The following DROSHA variants were observed in gnomAD, a reference collection of about 807,000 sequenced individuals.
DROSHA encodes ribonuclease 3.
Under a neutral mutation model 181.9 loss-of-function variants are expected in DROSHA, and 56 were observed. The observed-to-expected ratio is 0.31, with a 90% confidence interval of 0.25 to 0.38. The LOEUF (loss-of-function observed/expected upper bound fraction) is 0.38, where lower values mean the gene tolerates loss of function less well. Ranked by LOEUF, DROSHA falls within the 10% of genes least tolerant of loss-of-function variation. DROSHA has a pLI of 1.00. For synonymous variants in DROSHA, 524 were observed against 591.2 expected (o/e 0.89, Z 1.65); for missense variants, 1,218 against 1,743.5 (o/e 0.70, Z 5.37).
At chr5:31,501,044 A>T (rs1277048796) in intron 11 of DROSHA, among the ~76,000 whole-genome samples, 3 of 152,230 alleles carry the variant, frequency 2.0e-5, no homozygotes, top group African/African-American at 7.2e-5. Context: ...CCGACTGAAG[A>T]GGTGGCCAGA....
intron 27 of DROSHA, among the ~76,000 whole-genome samples, chr5:31,425,215 T>C (rs1268771061): frequency 6.6e-6 from 1 of 152,210 alleles, no homozygotes; most frequent in East Asian, 1.9e-4. Flanking sequence ...ATTTAAGTTT[T>C]TTTTTAGAGG....
intron 17 of DROSHA, among the ~76,000 whole-genome samples, chr5:31,469,833 T>G (rs1174794023): frequency 6.6e-6 from 1 of 152,232 alleles, no homozygotes; most frequent in Non-Finnish European, 1.5e-5. Context: ...AAGTCACTAA[T>G]GACAAAAGTA....
intron 16 of DROSHA, among the ~76,000 whole-genome samples, chr5:31,482,074 G>C (rs999318587): frequency 1.3e-5 from 2 of 152,162 alleles, no homozygotes; most frequent in East Asian, 1.9e-4. Context: ...AGGGAGACAG[G>C]GGCTTCTGCC....
At chr5:31,504,219 C>T (rs945192726) in intron 11 of DROSHA, among the ~76,000 whole-genome samples, 14 of 152,152 alleles carry the variant, frequency 9.2e-5, no homozygotes, top group Non-Finnish European at 2.1e-4. Flanking sequence ...TTACTAAGAG[C>T]GTCGCTCCAG....
At chr5:31,472,387 A>C (rs1303336626) in intron 16 of DROSHA, among the ~76,000 whole-genome samples, 155 bp from the exon 17 acceptor site, 1 of 152,244 alleles carries the variant, frequency 6.6e-6, no homozygotes, top group Non-Finnish European at 1.5e-5. Flanking sequence ...CCAGGTGCCA[A>C]ATAATATGAA....
chr5:31,530,630 C>CAAA lies in DROSHA; in HGVS notation c.-47+165_-47+167dup, dbSNP rs34124311. ...GGGCAACAAGAGCGAAACTCTAGCT[C>CAAA]AAAAAAAAAAAAAAAAAAAAATCTC... On this transcript the variant is annotated intron_variant, in intron 3 of 35. Transcript: ENST00000344624. Among the ~76,000 whole-genome samples, 63 of 112,590 alleles carry CAAA rather than the reference C, an allele frequency of 5.6e-4. 1 individual carries two copies. Among genetic ancestry groups the CAAA allele is most frequent in the Middle Eastern group, 4.7e-3 (1 of 212 alleles). The allele number at this position is 112,590 out of a possible 152,430, so 73.9% of individuals were successfully genotyped here.
chr5:31,412,165 G>A (rs1741386634), intron 30 of DROSHA, among the ~76,000 whole-genome samples: 1 of 152,194 alleles, frequency 6.6e-6, no homozygotes, highest in Non-Finnish European at 1.5e-5. Context: ...CTAGGGAAGA[G>A]GAGAGGAGGA....
At position 31,515,069 on chromosome 5, in the gene DROSHA, T is replaced by C. The variant is rs1157973881; in HGVS notation, c.1209A>G (p.Glu403=). Reference sequence around the variant, plus strand: ...ACACAGGCTTAAGAAGTTCTTCTTCTTCCTCCTCATTCTTGTCAGGCATGG... The same window carrying C: ...ACACAGGCTTAAGAAGTTCTTCTTCCTCCTCCTCATTCTTGTCAGGCATGG... ...EETMPDKNEE[E]EEELLKPVWI... Residue 403 remains glutamate, a synonymous_variant, in exon 8 of 36, where the codon GAA becomes GAG. Coordinates refer to ENST00000344624, the MANE Select transcript of DROSHA (RefSeq NM_001382508.1). 1 of 1,613,990 alleles carries C rather than the reference T, an allele frequency of 6.2e-7. No homozygotes were observed. The highest frequency in any genetic ancestry group is 2.2e-5 in the East Asian group (1 of 44,888).
At chr5:31,478,931 GAAAC>G (rs1469008981) in intron 16 of DROSHA, among the ~76,000 whole-genome samples, 2 of 152,054 alleles carry the variant, frequency 1.3e-5, no homozygotes, top group African/African-American at 2.4e-5. Context: ...CTACCTTACA[GAAAC>G]AAACAAATGC....
chr5:31,509,351 T>A (rs1580342265), intron 9 of DROSHA, among the ~76,000 whole-genome samples: 1 of 152,148 alleles, frequency 6.6e-6, no homozygotes, highest in South Asian at 2.1e-4. Flanking sequence ...CAATGTCAGA[T>A]AAAATGAAAA....
intron 20 of DROSHA, among the ~76,000 whole-genome samples, chr5:31,455,316 G>A (rs1042770436): frequency 8.5e-5 from 13 of 152,100 alleles, no homozygotes; most frequent in Middle Eastern, 3.4e-3. Flanking sequence ...ACTACTTCTT[G>A]AATGAAGAAT....
At chr5:31,459,129 TTGA>T (rs1327649082) in intron 20 of DROSHA, among the ~76,000 whole-genome samples, 3 of 152,218 alleles carry the variant, frequency 2.0e-5, no homozygotes, top group African/African-American at 4.8e-5. Context: ...GACTAGGTAT[TTGA>T]TGATATTACA....
At chr5:31,478,698 C>T (rs1229439815) in intron 16 of DROSHA, among the ~76,000 whole-genome samples, 1 of 152,084 alleles carries the variant, frequency 6.6e-6, no homozygotes, top group African/African-American at 2.4e-5. Context: ...GGCACCACCG[C>T]ACTCCACCCT....
At chr5:31,499,689 C>T (rs1280468921) in intron 11 of DROSHA, among the ~76,000 whole-genome samples, 6 of 152,206 alleles carry the variant, frequency 3.9e-5, no homozygotes, top group African/African-American at 1.4e-4. Flanking sequence ...ACCTGGAGGG[C>T]TGGTTAAATC....
chr5:31,518,125 TA>T (rs1407694536), intron 6 of DROSHA, among the ~76,000 whole-genome samples: 1 of 139,800 alleles, frequency 7.2e-6, no homozygotes, highest in Non-Finnish European at 1.6e-5. Context: ...CTGTTGCTAC[TA>T]GGCTACAAAC....
chr5:31,422,073 CA>C (rs1438868855), intron 29 of DROSHA, among the ~76,000 whole-genome samples: 3 of 134,654 alleles, frequency 2.2e-5, no homozygotes, highest in Non-Finnish European at 4.6e-5. Flanking sequence ...GCCTTCGCAA[CA>C]GAGTGAGATC....
intron 23 of DROSHA, among the ~76,000 whole-genome samples, chr5:31,444,108 T>G (rs1011685309): frequency 1.3e-5 from 2 of 152,186 alleles, no homozygotes; most frequent in African/African-American, 4.8e-5. Flanking sequence ...AGTTTTACAA[T>G]GACGATCAGC....
intron 30 of DROSHA, among the ~76,000 whole-genome samples, chr5:31,414,424 G>A (rs1334557629): frequency 2.0e-5 from 3 of 152,166 alleles, no homozygotes; most frequent in Non-Finnish European, 2.9e-5. Flanking sequence ...ACAATGCCTC[G>A]TGTTAGAGAT....
At chr5:31,467,319 CTGTTTGTG>C (rs1749189779) in intron 18 of DROSHA, 1 of 149,964 alleles carries the variant, frequency 6.7e-6, no homozygotes, top group South Asian at 2.1e-4. Context: ...AGTCAGGAAG[CTGTTTGTG>C]TGTTTAGCAA....
Sources: gnomAD v4.1 joint callset for allele counts (sites outside exome capture counted in the v4.1 genomes callset) on GRCh38, gnomAD v4.1.1 for gene constraint, MANE v1.5 for transcripts, NCBI Gene and HGNC (gene_info 2026-07-23, HGNC 2026-07-21) for gene names.